VCL: variants seen among roughly 807,000 people sequenced by gnomAD.
VCL encodes epididymis luminal protein 114.
VCL carries 47 observed loss-of-function variants against 125.7 expected under a neutral mutation model. The observed-to-expected ratio is 0.37, with a 90% CI of 0.30 to 0.48. VCL has a LOEUF of 0.48. Ranked by LOEUF, VCL falls within the 20% of genes least tolerant of loss-of-function variation. The pLI, the probability that VCL is intolerant of heterozygous loss-of-function variation, is 0.99. For missense variants in VCL, 1,069 were observed against 1,455.5 expected (o/e 0.73, Z 4.32); for synonymous variants, 458 against 514.6 (o/e 0.89, Z 1.49).
chr10:74,036,705 A>G (rs1274233874), intron 1 of VCL, among the ~76,000 whole-genome samples: 3 of 142,490 alleles, frequency 2.1e-5, no homozygotes, highest in Admixed American at 2.1e-4. Context: ...ACCCCATCTT[A>G]AAAAAAAAAA....
intron 1 of VCL, among the ~76,000 whole-genome samples, chr10:74,037,895 A>G (rs1282435308): frequency 6.6e-6 from 1 of 152,210 alleles, no homozygotes. Flanking sequence ...GCTGCCTGAT[A>G]TGGTAGCCAC....
chr10:74,113,719 G>C (rs1331188261), intron 19 of VCL, among the ~76,000 whole-genome samples: 1 of 152,032 alleles, frequency 6.6e-6, no homozygotes, highest in East Asian at 1.9e-4. Context: ...AGGCTCCTCT[G>C]TATTTTTCCC....
At chr10:74,014,093 T>C (rs1184771080) in intron 1 of VCL, among the ~76,000 whole-genome samples, 4 of 152,202 alleles carry the variant, frequency 2.6e-5, no homozygotes, top group Admixed American at 2.0e-4. Context: ...ATCTAAATTT[T>C]TAATTTATAT....
chr10:74,117,965 T>TTA (rs1840335723), intron 21 of VCL, 58 bp from the exon 22 acceptor site: 1 of 1,611,610 alleles, frequency 6.2e-7, no homozygotes, highest in Non-Finnish European at 8.5e-7. Context: ...GAAACCTATT[T>TTA]TAGAGACAGG....
chr10:74,115,458 T>G (rs10824073), intron 21 of VCL, among the ~76,000 whole-genome samples: 77,605 of 151,998 alleles, frequency 0.51, 20,702 homozygotes, highest in Middle Eastern at 0.59. Context: ...TGGGCAACTT[T>G]TGTCATTTTA....
chr10:74,022,638 G>T (rs1395266106), intron 1 of VCL, among the ~76,000 whole-genome samples: 1 of 150,722 alleles, frequency 6.6e-6, no homozygotes, highest in African/African-American at 2.4e-5. Context: ...TGTCCGTAAT[G>T]TCTTTTTTTT....
At chr10:74,046,520 G>A (rs1310659469) in intron 2 of VCL, among the ~76,000 whole-genome samples, 1 of 152,226 alleles carries the variant, frequency 6.6e-6, no homozygotes, top group South Asian at 2.1e-4. Context: ...TGGGAGTACC[G>A]GCATGAGCCA....
chr10:74,015,466 A>C (rs1460622764), intron 1 of VCL, among the ~76,000 whole-genome samples: 12 of 152,200 alleles, frequency 7.9e-5, no homozygotes. Flanking sequence ...AGGCAGGAGA[A>C]TCGCTGGAAT....
chr10:74,011,061 C>G (rs940222025), intron 1 of VCL, among the ~76,000 whole-genome samples: 1 of 147,894 alleles, frequency 6.8e-6, no homozygotes, highest in Non-Finnish European at 1.5e-5. Context: ...ATCCCAGGTA[C>G]ATGGGAGGCT....
chr10:74,024,055 C>G (rs1301333810), intron 1 of VCL, among the ~76,000 whole-genome samples: 1 of 152,102 alleles, frequency 6.6e-6, no homozygotes, highest in Non-Finnish European at 1.5e-5. Flanking sequence ...AAAGGTTACT[C>G]TTTTCTATGA....
Position 74,094,285 on chromosome 10 carries a change from C to T in VCL, c.1367C>T (p.Ser456Phe). Residue 456 changes from serine to phenylalanine, a missense_variant, in exon 11 of 22, where the codon TCT becomes TTT. Physicochemically the swap from Ser to Phe is radical, Grantham distance 155. This residue lies in a region of VCL where 760 missense variants were observed against 928.9 expected (regional missense o/e 0.82). Transcript: ENST00000211998. ...TTTCTCTGTAGGGGGAAAGGAGATTCTCCAGAGGCTCGAGCCTTGGCCAAA... is the reference window on the plus strand; with the variant it reads ...TTTCTCTGTAGGGGGAAAGGAGATTTTCCAGAGGCTCGAGCCTTGGCCAAA... ...ADLRRQGKGD[S>F]PEARALAKQV... is the part of the protein sequence containing the mutation. The T allele has an allele frequency of 8.1e-6, 13 of 1,614,130 alleles. No homozygotes were observed. The highest frequency in any genetic ancestry group is 1.1e-5 in the Non-Finnish European group (13 of 1,180,030).
chr10:74,082,073 G>C (rs1023597526), intron 6 of VCL, among the ~76,000 whole-genome samples: 15 of 152,130 alleles, frequency 9.9e-5, no homozygotes, highest in Non-Finnish European at 1.8e-4. Context: ...AGGTGGGAAG[G>C]GCTTTGGCAA....
chr10:74,090,218 A>G lies in VCL; in HGVS notation c.1352+20A>G, dbSNP rs1326082554. On this transcript the variant is annotated intron_variant, in intron 10 of 21. Transcript: ENST00000211998. ...AAGACAGTATGTATTTAACCCTTAC[A>G]TTGCCTTTTCATATCTTTTCTTCTC... The G allele has an allele frequency of 6.2e-7, 1 of 1,613,570 alleles. No homozygotes were observed. The highest frequency in any genetic ancestry group is 8.5e-7 in the Non-Finnish European group (1 of 1,179,804).
intron 18 of VCL, 23 bp from the exon 19 acceptor site, chr10:74,111,886 C>T (rs922386066): frequency 6.8e-6 from 11 of 1,613,884 alleles, no homozygotes; most frequent in African/African-American, 1.3e-5. Flanking sequence ...CCCTATTTCT[C>T]ATCCTTCCCG....
Position 74,089,327 on chromosome 10 carries a change from C to G in VCL, c.1154C>G (p.Ala385Gly). 6.2e-7 allele frequency: 1 copy of G among 1,613,196 alleles called. No individual in the cohort carries two copies. Among genetic ancestry groups the G allele is most frequent in the African/African-American group, 1.3e-5 (1 of 74,946 alleles). The change falls in exon 9 of 22, where the codon GCA becomes GGA. Residue 385 changes from alanine (A) to glycine (G), a missense_variant. By Grantham distance (60) the Ala-to-Gly change is moderately conservative. Around this residue, in one of 6 missense-constraint regions of VCL, gnomAD observed 760 missense variants for 928.9 expected, o/e 0.82. Transcript: ENST00000211998. The part of the protein sequence containing the change: ...EAMTNSKQSI[A>G]KKIDAAQNWL... Reference sequence around the variant, plus strand: ...ATGACCAACTCAAAGCAGAGCATTGCAAAGAAGATCGATGCTGCTCAGGTA... The same window carrying G: ...ATGACCAACTCAAAGCAGAGCATTGGAAAGAAGATCGATGCTGCTCAGGTA...
rs957266115 is a variant in VCL, at chr10:74,120,064, A to G, written c.*1895A>G. 2 of 151,884 alleles carry G rather than the reference A, an allele frequency of 1.3e-5. No homozygotes were observed. Among genetic ancestry groups the G allele is most frequent in the African/African-American group, 4.8e-5 (2 of 41,370 alleles). The allele number at this position is 151,884 out of a possible 1,614,324, so 9.4% of individuals were successfully genotyped here. On this transcript the variant is annotated 3_prime_UTR_variant, in exon 22 of 22. Transcript: ENST00000211998. ...ATGATGATTAGAGACATCACCGCTAAAAAACTACATTTATAAGCTAGGATT... is the reference window on the plus strand; with the variant it reads ...ATGATGATTAGAGACATCACCGCTAGAAAACTACATTTATAAGCTAGGATT...
At chr10:74,030,937 A>C (rs192584806) in intron 1 of VCL, among the ~76,000 whole-genome samples, 7 of 152,304 alleles carry the variant, frequency 4.6e-5, no homozygotes, top group Admixed American at 2.0e-4. Context: ...ATGTGGACCA[A>C]ACAAAAACCA....
chr10:74,109,182 A>C, intron 18 of VCL, 26 bp downstream of exon 18: 1 of 1,613,706 alleles, frequency 6.2e-7, no homozygotes, highest in Non-Finnish European at 8.5e-7. Flanking sequence ...TTTCTTGTTG[A>C]GAAAGGATGT....
intron 17 of VCL, among the ~76,000 whole-genome samples, 200 bp downstream of exon 17, chr10:74,107,554 TGTGTGTGTGTAGTACTG>T (rs776723023): frequency 6.6e-6 from 1 of 152,084 alleles, no homozygotes; most frequent in Non-Finnish European, 1.5e-5. Context: ...ATGGGTTGTG[TGTGTGTGTGTAGTACTG>T]GTGTGTGTGG....
Sources: gnomAD v4.1 joint callset for allele counts (sites outside exome capture counted in the v4.1 genomes callset) on GRCh38, gnomAD v4.1.1 for gene constraint, gnomAD v4.1.1 regional missense constraint, MANE v1.5 for transcripts, NCBI Gene and HGNC (gene_info 2026-07-23, HGNC 2026-07-21) for gene names.